The following GPR158 variants were observed in gnomAD, a reference collection of about 807,000 sequenced individuals.
The protein encoded by GPR158 is G protein-coupled receptor 158.
In GPR158, 30 loss-of-function variants were observed where a neutral mutation model predicts 78.2. The observed-to-expected ratio is 0.38, with a 90% CI of 0.29 to 0.52. The LOEUF (loss-of-function observed/expected upper bound fraction) is 0.52, where lower values mean the gene tolerates loss of function less well. Ranked by LOEUF, GPR158 falls within the 20% of genes least tolerant of loss-of-function variation. The pLI, the probability that GPR158 is intolerant of heterozygous loss-of-function variation, is 0.83. For missense variants in GPR158, 1,463 were observed against 1,523.5 expected, an observed-to-expected ratio of 0.96 and a Z score of 0.66; for synonymous variants, 581 against 591.1, an observed-to-expected ratio of 0.98 and a Z score of 0.25.
rs1285011270 is a variant in GPR158 at position 25,516,208 on chromosome 10, G to A, written c.1405-34768G>A. On this transcript the variant is annotated intron_variant, in intron 5 of 10. Transcript: ENST00000376351. ...TGCTCATGTCCTTTGCCCACTTTTT[G>A]ATGGGGTTGTTTGTTTTTTTCTTGT... Among the ~76,000 whole-genome samples, 267 of 151,550 alleles carry A rather than the reference G, an allele frequency of 1.8e-3. 1 individual carries two copies. Among genetic ancestry groups the A allele is most frequent in the African/African-American group, 5.8e-3 (240 of 41,268 alleles).
intron 4 of GPR158, among the ~76,000 whole-genome samples, chr10:25,423,734 A>G (rs1485044033): frequency 6.6e-6 from 1 of 152,142 alleles, no homozygotes; most frequent in Admixed American, 6.5e-5. Flanking sequence ...TTATGGCTGC[A>G]TAGTATTCCA....
Position 25,529,119 on chromosome 10 carries a change from T to A in GPR158, c.1405-21857T>A, listed in dbSNP as rs145979414. On this transcript the variant is annotated intron_variant, in intron 5 of 10. Coordinates refer to ENST00000376351, the MANE Select transcript of GPR158 (RefSeq NM_020752.3). Reference sequence around the variant, plus strand: ...TTTGAGAGCATACGGCCAGGCATGGTGGCTCACGCGTGTAATCCCAGCACT... The same window carrying A: ...TTTGAGAGCATACGGCCAGGCATGGAGGCTCACGCGTGTAATCCCAGCACT... Among the ~76,000 whole-genome samples, 141 of 152,302 alleles carry A rather than the reference T, an allele frequency of 9.3e-4. 3 individuals are homozygous for A. In the South Asian group the frequency reaches 0.024, roughly 26 times the overall value.
chr10:25,573,138 C>T (rs570461951), intron 7 of GPR158, among the ~76,000 whole-genome samples: 22 of 152,156 alleles, frequency 1.4e-4, no homozygotes, highest in Admixed American at 3.9e-4. Flanking sequence ...AAAGGAGAAA[C>T]GAACAATGGC....
At chr10:25,288,130 A>AC (rs1180529080) in intron 2 of GPR158, among the ~76,000 whole-genome samples, 2 of 152,212 alleles carry the variant, frequency 1.3e-5, no homozygotes, top group African/African-American at 4.8e-5. Context: ...TCACATATTA[A>AC]CCCATTTAAT....
intron 2 of GPR158, among the ~76,000 whole-genome samples, chr10:25,321,629 A>G (rs1384199641): frequency 2.7e-5 from 4 of 146,088 alleles, no homozygotes; most frequent in Non-Finnish European, 6.0e-5. Flanking sequence ...GAATGCTTAT[A>G]TAACCCTCCT....
intron 4 of GPR158, among the ~76,000 whole-genome samples, chr10:25,455,380 GTTATA>G (rs907021102): frequency 5.3e-5 from 8 of 152,014 alleles, no homozygotes; most frequent in East Asian, 3.9e-4. Context: ...AAAAAAATCT[GTTATA>G]TTATAAAACT....
chr10:25,500,559 C>T (rs569254904), intron 5 of GPR158, among the ~76,000 whole-genome samples: 2 of 152,290 alleles, frequency 1.3e-5, no homozygotes, highest in East Asian at 3.9e-4. Context: ...CATATATAAC[C>T]TTTACACAGT....
At chr10:25,385,467 A>G (rs1754256) in intron 2 of GPR158, among the ~76,000 whole-genome samples, 98,030 of 151,970 alleles carry the variant, frequency 0.65, 32,592 homozygotes, top group Non-Finnish European at 0.73. Context: ...GCTTTGAATT[A>G]TTTTGGATAC....
chr10:25,510,608 A>T (rs945436205), intron 5 of GPR158, among the ~76,000 whole-genome samples: 1 of 152,128 alleles, frequency 6.6e-6, no homozygotes, highest in Non-Finnish European at 1.5e-5. Flanking sequence ...GTTTACATGA[A>T]TAAGTTTTTT....
chr10:25,393,518 T>C (rs1050259596), intron 2 of GPR158: 1 of 152,188 alleles, frequency 6.6e-6, no homozygotes, highest in African/African-American at 2.4e-5. Flanking sequence ...CCCCATTGAA[T>C]TGCTCCTCTC....
At chr10:25,393,711 C>G (rs191483041) in intron 2 of GPR158, 1 of 152,086 alleles carries the variant, frequency 6.6e-6, no homozygotes, top group African/African-American at 2.4e-5. Flanking sequence ...TTTGACCTAG[C>G]AAGTAGCTTC....
At chr10:25,522,539 G>T (rs1836292075) in intron 5 of GPR158, among the ~76,000 whole-genome samples, 1 of 152,166 alleles carries the variant, frequency 6.6e-6, no homozygotes, top group Non-Finnish European at 1.5e-5. Flanking sequence ...ATGAGAAAAG[G>T]GATCTGGATT....
chr10:25,311,468 T>C (rs1854763514), intron 2 of GPR158, among the ~76,000 whole-genome samples: 1 of 151,990 alleles, frequency 6.6e-6, no homozygotes, highest in Admixed American at 6.6e-5. Context: ...CAGTCTACCA[T>C]GTTATTTATT....
At chr10:25,362,645 G>A (rs1221616373) in intron 2 of GPR158, among the ~76,000 whole-genome samples, 1 of 151,820 alleles carries the variant, frequency 6.6e-6, no homozygotes, top group East Asian at 1.9e-4. Context: ...GTAGTTTTCA[G>A]TGTACAAATC....
chr10:25,479,825 C>T (rs1835640312), intron 5 of GPR158, among the ~76,000 whole-genome samples: 1 of 151,650 alleles, frequency 6.6e-6, no homozygotes, highest in Non-Finnish European at 1.5e-5. Flanking sequence ...TTATTTTTTT[C>T]TGTTATATTT....
At chr10:25,566,321 A>G (rs1836928378) in intron 6 of GPR158, among the ~76,000 whole-genome samples, 1 of 152,184 alleles carries the variant, frequency 6.6e-6, no homozygotes, top group Non-Finnish European at 1.5e-5. Context: ...GGTGTTAGGA[A>G]TATTTTAAGC....
intron 5 of GPR158, among the ~76,000 whole-genome samples, chr10:25,473,539 C>T (rs1387936742): frequency 6.6e-6 from 1 of 152,130 alleles, no homozygotes; most frequent in Non-Finnish European, 1.5e-5. Context: ...GGTCCCAGCT[C>T]CTCCTTGTAC....
At chr10:25,177,145 G>T (rs943959158) in intron 1 of GPR158, among the ~76,000 whole-genome samples, 1 of 152,240 alleles carries the variant, frequency 6.6e-6, no homozygotes, top group Non-Finnish European at 1.5e-5. Flanking sequence ...GGAGGCTGGA[G>T]GAAACTTAAG....
chr10:25,185,296 G>A (rs539816876), intron 1 of GPR158, among the ~76,000 whole-genome samples: 3 of 152,248 alleles, frequency 2.0e-5, no homozygotes, highest in African/African-American at 7.2e-5. Context: ...CAGATTACAT[G>A]TCTATTTATT....
Sources: allele counts gnomAD v4.1 joint callset (sites outside exome capture counted in the v4.1 genomes callset), GRCh38; gene constraint gnomAD v4.1.1; transcripts MANE v1.5; gene names NCBI Gene and HGNC (gene_info 2026-07-23, HGNC 2026-07-21).